Variants in TTBK2 observed in about 807,000 individuals in gnomAD.
The protein encoded by TTBK2 is tau tubulin kinase 2.
In TTBK2, 28 loss-of-function variants were observed where a neutral mutation model predicts 110.8. The ratio of observed to expected loss-of-function variants is 0.25; its 90% CI spans 0.19 to 0.35. The LOEUF (loss-of-function observed/expected upper bound fraction) is 0.35. Among genes scored for constraint, TTBK2 ranks in the 10% least tolerant of loss-of-function variants. The probability of loss-of-function intolerance (pLI) is 1.00; values close to 1 mark genes in which losing one functional copy is unlikely to be tolerated. For synonymous variants in TTBK2, 532 were observed against 527.3 expected, an observed-to-expected ratio of 1.01 and a Z score of -0.12; for missense variants, 1,369 against 1,500.3, an observed-to-expected ratio of 0.91 and a Z score of 1.45.
At chr15:42,868,181 G>A (rs1455859396) in intron 3 of TTBK2, among the ~76,000 whole-genome samples, 3 of 152,180 alleles carry the variant, frequency 2.0e-5, no homozygotes, top group Non-Finnish European at 4.4e-5. Context: ...GATGGTTCCT[G>A]ACATACGATG....
chr15:42,798,651 G>T (rs753933088), intron 9 of TTBK2, among the ~76,000 whole-genome samples: 12 of 152,192 alleles, frequency 7.9e-5, no homozygotes, highest in Non-Finnish European at 1.6e-4. Context: ...GATAAATCAG[G>T]AGAATACAAA....
chr15:42,822,323 T>C (rs960010794), intron 6 of TTBK2, among the ~76,000 whole-genome samples: 1 of 152,172 alleles, frequency 6.6e-6, no homozygotes, highest in African/African-American at 2.4e-5. Context: ...ATATTATCTA[T>C]TTGAAATTTA....
intron 1 of TTBK2, among the ~76,000 whole-genome samples, chr15:42,898,530 A>C (rs1394803075): frequency 6.6e-6 from 1 of 152,126 alleles, no homozygotes; most frequent in Admixed American, 6.6e-5. Flanking sequence ...AAAAAAAAGA[A>C]AAAGAAAAAA....
intron 7 of TTBK2, among the ~76,000 whole-genome samples, chr15:42,812,517 T>C (rs997083313): frequency 6.6e-6 from 1 of 152,106 alleles, no homozygotes; most frequent in African/African-American, 2.4e-5. Context: ...CAGAAGCAAA[T>C]TTATCCTCTC....
chr15:42,878,833 G>A, intron 1 of TTBK2, 149 bp from the exon 2 acceptor site: 1 of 1,021,434 alleles, frequency 9.8e-7, no homozygotes, highest in Non-Finnish European at 1.4e-6. Flanking sequence ...AGAAATGTTT[G>A]ATGCGTATTT....
intron 1 of TTBK2, among the ~76,000 whole-genome samples, chr15:42,902,180 C>T (rs2030078281): frequency 6.7e-6 from 1 of 150,140 alleles, no homozygotes; most frequent in Admixed American, 6.7e-5. Flanking sequence ...CGTGCCATTG[C>T]CCTCCAGCAT....
In TTBK2 at chr15:42,775,859, A is replaced by T. The variant is rs145716437; in HGVS notation, c.1410-136T>A. ...GGATAAAGCACAAGGAAAGTTTCAC[A>T]GCATTGATAATGCTCTTCTCTACCT... On this transcript the variant is annotated intron_variant, in intron 12 of 14. Transcript: ENST00000267890. The T allele has an allele frequency of 1.4e-3, 965 of 670,462 alleles. 16 individuals carry two copies. The African/African-American group carries it at 0.016, about 11-fold the overall frequency. The allele number at this position is 670,462 out of a possible 1,614,324, so 41.5% of individuals were successfully genotyped here. A position where few individuals can be genotyped will look rare whatever the true frequency, so the allele number is the denominator to read the frequency against.
chr15:42,787,452 T>G (rs913982499), intron 10 of TTBK2, among the ~76,000 whole-genome samples: 1 of 152,200 alleles, frequency 6.6e-6, no homozygotes, highest in East Asian at 1.9e-4. Flanking sequence ...AAACTTTTTC[T>G]TAGAGGGCAG....
intron 13 of TTBK2, among the ~76,000 whole-genome samples, chr15:42,753,962 A>G (rs1229273516): frequency 1.3e-5 from 2 of 151,292 alleles, no homozygotes; most frequent in African/African-American, 4.9e-5. Context: ...TCATTGAAAA[A>G]CTCCAAATTT....
Position 42,815,956 on chromosome 15 carries a change from A to ATATATATATATATATTT in TTBK2, c.603+1075_603+1076insAAATATATATATATATA, listed in dbSNP as rs1256399173. On this transcript the variant is annotated intron_variant, in intron 7 of 14. Coordinates refer to ENST00000267890, the MANE Select transcript of TTBK2 (RefSeq NM_173500.4). Reference sequence around the variant, plus strand: ...AATATATATATATATATTTAAAAAAAAAATATATATATATATATATATTTG... The same window carrying ATATATATATATATATTT: ...AATATATATATATATATTTAAAAAAATATATATATATATATTTAAATATATATATATATATATATTTG... 3.1e-5 allele frequency among the ~76,000 whole-genome samples: 2 copies of ATATATATATATATATTT among 63,958 alleles called. 1 individual carries two copies. The highest frequency in any genetic ancestry group is 5.2e-5 in the Non-Finnish European group (2 of 38,140). The allele number at this position is 63,958 out of a possible 152,430, so 42.0% of individuals were successfully genotyped here.
intron 13 of TTBK2, among the ~76,000 whole-genome samples, chr15:42,771,349 T>C (rs931521792): frequency 6.6e-6 from 1 of 152,126 alleles, no homozygotes; most frequent in Admixed American, 6.5e-5. Context: ...AATAAAGATA[T>C]CCAAAATTCC....
At chr15:42,822,749 T>A (rs1252710929) in intron 6 of TTBK2, among the ~76,000 whole-genome samples, 3 of 152,216 alleles carry the variant, frequency 2.0e-5, no homozygotes, top group Non-Finnish European at 4.4e-5. Context: ...ATGCTCTGGA[T>A]GGATGTTGAC....
intron 13 of TTBK2, among the ~76,000 whole-genome samples, chr15:42,760,908 G>T (rs1202609300): frequency 6.6e-6 from 1 of 152,060 alleles, no homozygotes; most frequent in African/African-American, 2.4e-5. Context: ...AAAGTTGGAG[G>T]TATAACACTA....
chr15:42,883,881 T>G (rs1315825649), intron 1 of TTBK2, among the ~76,000 whole-genome samples: 1 of 151,716 alleles, frequency 6.6e-6, no homozygotes, highest in Non-Finnish European at 1.5e-5. Context: ...CCACTGAAAA[T>G]AATAACAAAA....
intron 10 of TTBK2, among the ~76,000 whole-genome samples, chr15:42,790,464 T>C (rs999003257): frequency 2.0e-5 from 3 of 151,712 alleles, no homozygotes; most frequent in Admixed American, 6.6e-5. Flanking sequence ...TTTGTATTTT[T>C]TGTAGAGACA....
chr15:42,897,112 C>T lies in TTBK2; in HGVS notation c.-67-18428G>A, dbSNP rs373756501. ...CAGGCTAGTCTTGAACTCTTGACCT[C>T]GTGATTCACCCGCCTCGGCCTCCCA... On this transcript the variant is annotated intron_variant, in intron 1 of 14. Transcript: ENST00000267890. Among the ~76,000 whole-genome samples, 604 of 151,994 alleles carry T rather than the reference C, an allele frequency of 4.0e-3. 8 individuals carry two copies. Among genetic ancestry groups the T allele is most frequent in the African/African-American group, 0.014 (573 of 41,448 alleles).
At chr15:42,757,051 C>T (rs1490408950) in intron 13 of TTBK2, among the ~76,000 whole-genome samples, 1 of 152,034 alleles carries the variant, frequency 6.6e-6, no homozygotes, top group African/African-American at 2.4e-5. Flanking sequence ...ATCATTTTTA[C>T]AAACCCCATT....
rs1889315778 is a variant in TTBK2, at chr15:42,765,442, A to C, written c.1998+9693T>G. Among the ~76,000 whole-genome samples, 2 of 152,258 alleles carry C rather than the reference A, an allele frequency of 1.3e-5. 1 individual carries two copies. Among genetic ancestry groups the C allele is most frequent in the South Asian group, 4.1e-4 (2 of 4,836 alleles). On this transcript the variant is annotated intron_variant, in intron 13 of 14. Coordinates refer to ENST00000267890, the MANE Select transcript of TTBK2 (RefSeq NM_173500.4). ...CCTTAAATGACCTGATGGAGCTGAA[A>C]ACCATGGCACGAGAACTACATGATG...
At chr15:42,777,717 G>A (rs924899292) in intron 11 of TTBK2, among the ~76,000 whole-genome samples, 2 of 152,208 alleles carry the variant, frequency 1.3e-5, no homozygotes, top group African/African-American at 2.4e-5. Flanking sequence ...GACTACTAAG[G>A]AGCTGAGGCA....
Sources: gnomAD v4.1 joint callset for allele counts (sites outside exome capture counted in the v4.1 genomes callset) on GRCh38, gnomAD v4.1.1 for gene constraint, MANE v1.5 for transcripts, NCBI Gene and HGNC (gene_info 2026-07-23, HGNC 2026-07-21) for gene names.